COL4A3: variants seen among roughly 807,000 people sequenced by gnomAD.
COL4A3 encodes collagen alpha-3(IV) chain.
Under a neutral mutation model 217.4 loss-of-function variants are expected in COL4A3, and 135 were observed. That is an observed-to-expected ratio of 0.62 (90% CI 0.54 to 0.72). COL4A3 has a LOEUF of 0.72. COL4A3 is among the 30% of genes least tolerant of loss of function. The pLI is 0.00. For missense variants in COL4A3, 1,868 were observed against 2,119.9 expected (o/e 0.88, Z 2.33); for synonymous variants, 690 against 736.3 (o/e 0.94, Z 1.02).
In COL4A3 at chr2:227,307,740, T is replaced by C. The variant is rs2073567508; in HGVS notation, c.4283T>C (p.Leu1428Ser). 6.2e-7 allele frequency: 1 copy of C among 1,614,220 alleles called. No homozygotes were observed. The highest frequency in any genetic ancestry group is 8.5e-7 in the Non-Finnish European group (1 of 1,180,016). Residue 1428 changes from leucine to serine, a missense_variant, in exon 48 of 52, where the codon TTG (leucine) becomes TCG (serine). Coordinates refer to ENST00000396578, the MANE Select transcript of COL4A3 (RefSeq NM_000091.5). ...GPAGSDGLPGLKGKRGDSGSP... is the reference protein window; with the variant it reads ...GPAGSDGLPGSKGKRGDSGSP... ...GCTGGATCAGATGGATTGCCAGGTT[T>C]GAAAGGAAAACGTGGAGACAGTGGA...
chr2:227,263,752 A>G, intron 20 of COL4A3, 28 bp from the exon 21 acceptor site: 2 of 1,601,626 alleles, frequency 1.2e-6, no homozygotes, highest in South Asian at 1.1e-5. Context: ...AAAAATGTAA[A>G]ATACAAGAAA....
At chr2:227,168,877 T>C (rs1191656893) in intron 1 of COL4A3, among the ~76,000 whole-genome samples, 1 of 151,096 alleles carries the variant, frequency 6.6e-6, no homozygotes, top group Non-Finnish European at 1.5e-5. Context: ...TTTCCTTCTT[T>C]TTTTTCTTTT....
At chr2:227,276,749 A>C (rs906426800) in intron 27 of COL4A3, among the ~76,000 whole-genome samples, 2 of 152,108 alleles carry the variant, frequency 1.3e-5, no homozygotes, top group African/African-American at 2.4e-5. Flanking sequence ...GAGCAGAAAA[A>C]CCGTTCTGGA....
At chr2:227,165,880 C>T (rs2065248659) in intron 1 of COL4A3, among the ~76,000 whole-genome samples, 1 of 152,182 alleles carries the variant, frequency 6.6e-6, no homozygotes, top group Non-Finnish European at 1.5e-5. Flanking sequence ...CCATACCTCT[C>T]CCCATTTCCT....
At chr2:227,273,225 A>G (rs1165308816) in intron 26 of COL4A3, 108 bp downstream of exon 26, 7 of 1,205,078 alleles carry the variant, frequency 5.8e-6, no homozygotes, top group Admixed American at 3.7e-5. Context: ...CTTGCTTCTA[A>G]CGAATAGAAT....
At chr2:227,221,877 GA>G (rs35116792) in intron 1 of COL4A3, among the ~76,000 whole-genome samples, 49 of 150,282 alleles carry the variant, frequency 3.3e-4, no homozygotes, top group South Asian at 2.1e-3. Context: ...TGGACATTAG[GA>G]AAAAAAAAGT....
rs1187757180 is a variant in COL4A3, at chr2:227,273,245, C to T, written c.1927+128C>T. ...TTCTAACGAATAGAATATGTCAACT[C>T]ACAGATACCAGGAAAGAATATGTAG... On this transcript the variant is annotated intron_variant, in intron 26 of 51. Transcript: ENST00000396578. 24 of 999,994 alleles carry T rather than the reference C, an allele frequency of 2.4e-5. No homozygotes were observed. The Admixed American group carries it at 5.1e-4, about 21-fold the overall frequency. The allele number at this position is 999,994 out of a possible 1,614,324, so 61.9% of individuals were successfully genotyped here.
intron 28 of COL4A3, among the ~76,000 whole-genome samples, chr2:227,279,107 C>T (rs1389713404): frequency 2.1e-5 from 3 of 139,988 alleles, no homozygotes; most frequent in African/African-American, 5.3e-5. Context: ...GACAAAGTTT[C>T]GCTTTTGTTG....
intron 50 of COL4A3, among the ~76,000 whole-genome samples, chr2:227,309,760 C>A (rs570256340): frequency 6.6e-6 from 1 of 151,950 alleles, no homozygotes; most frequent in Non-Finnish European, 1.5e-5. Context: ...TGCTACCATG[C>A]CCAGCTAATT....
intron 1 of COL4A3, among the ~76,000 whole-genome samples, chr2:227,218,764 T>A (rs1301504382): frequency 1.3e-5 from 2 of 152,200 alleles, no homozygotes; most frequent in African/African-American, 4.8e-5. Flanking sequence ...ATAAAAGATA[T>A]CTGATGCTTA....
chr2:227,229,011 G>A (rs1174226751), intron 1 of COL4A3, among the ~76,000 whole-genome samples: 2 of 152,156 alleles, frequency 1.3e-5, no homozygotes, highest in East Asian at 1.9e-4. Flanking sequence ...TGTGGAAACC[G>A]AGACACCTGA....
chr2:227,206,412 A>C (rs1035473946), intron 1 of COL4A3, among the ~76,000 whole-genome samples: 2 of 152,100 alleles, frequency 1.3e-5, no homozygotes, highest in African/African-American at 4.8e-5. Context: ...TTCTCGGAAA[A>C]ATTGAAAAAT....
At chr2:227,283,622 TA>T in intron 32 of COL4A3, 144 bp from the exon 33 acceptor site, 1 of 696,356 alleles carries the variant, frequency 1.4e-6, no homozygotes. Flanking sequence ...TCTCCTAGAC[TA>T]ATACAGTAAT....
intron 25 of COL4A3, among the ~76,000 whole-genome samples, chr2:227,272,127 C>T (rs1169069842): frequency 6.6e-6 from 1 of 152,178 alleles, no homozygotes; most frequent in Non-Finnish European, 1.5e-5. Flanking sequence ...GGCCAAGTCC[C>T]AGGTTGTTCA....
At chr2:227,213,560 A>G (rs957313083) in intron 1 of COL4A3, among the ~76,000 whole-genome samples, 2 of 152,176 alleles carry the variant, frequency 1.3e-5, no homozygotes, top group African/African-American at 4.8e-5. Flanking sequence ...GCTCTACACC[A>G]TATGTAAGAG....
At chr2:227,202,596 G>A (rs942380803) in intron 1 of COL4A3, among the ~76,000 whole-genome samples, 12 of 151,222 alleles carry the variant, frequency 7.9e-5, no homozygotes, top group East Asian at 1.9e-4. Context: ...TTAGCCGGGC[G>A]CGGTGGCGGG....
intron 42 of COL4A3, among the ~76,000 whole-genome samples, chr2:227,298,299 C>A (rs2073122601): frequency 6.6e-6 from 1 of 152,170 alleles, no homozygotes; most frequent in Non-Finnish European, 1.5e-5. Context: ...CTGCAGTGAG[C>A]TGAGATTGCG....
At chr2:227,293,390 T>A in intron 38 of COL4A3, 73 bp downstream of exon 38, 1 of 1,532,960 alleles carries the variant, frequency 6.5e-7, no homozygotes, top group Non-Finnish European at 8.9e-7. Context: ...ATCATTGTGG[T>A]AAACAGAAAG....
chr2:227,296,068 G>A (rs1470349050), intron 41 of COL4A3, among the ~76,000 whole-genome samples: 6 of 152,206 alleles, frequency 3.9e-5, no homozygotes, highest in South Asian at 4.1e-4. Context: ...TGATGTTCAC[G>A]CAAACCAGCA....
Sources: allele counts gnomAD v4.1 joint callset (sites outside exome capture counted in the v4.1 genomes callset), GRCh38; gene constraint gnomAD v4.1.1; transcripts MANE v1.5; gene names NCBI Gene and HGNC (gene_info 2026-07-23, HGNC 2026-07-21).